The following ARID2 variants were observed in gnomAD, a reference collection of about 807,000 sequenced individuals.
The protein encoded by ARID2 is AT-rich interaction domain 2, also known as AT-rich interactive domain-containing protein 2.
In ARID2, 32 loss-of-function variants were observed where a neutral mutation model predicts 184.6. That is an observed-to-expected ratio of 0.17 (90% CI 0.13 to 0.23). The LOEUF is 0.23. ARID2 is among the 10% of genes least tolerant of loss of function. The pLI is 1.00. For missense variants in ARID2, 1,696 were observed against 2,197.6 expected, an observed-to-expected ratio of 0.77 and a Z score of 4.56; for synonymous variants, 836 against 772.6, an observed-to-expected ratio of 1.08 and a Z score of -1.36.
At chr12:45,797,448 G>A (rs1942411603) in intron 3 of ARID2, among the ~76,000 whole-genome samples, 1 of 152,070 alleles carries the variant, frequency 6.6e-6, no homozygotes, top group East Asian at 1.9e-4. Flanking sequence ...TGGCTAGGCT[G>A]GTCTTGAACT....
chr12:45,793,279 A>G (rs1369123014), intron 3 of ARID2, among the ~76,000 whole-genome samples: 3 of 152,076 alleles, frequency 2.0e-5, no homozygotes, highest in African/African-American at 7.2e-5. Context: ...AAGCCTGGAC[A>G]ACAAGAGTGA....
intron 3 of ARID2, among the ~76,000 whole-genome samples, chr12:45,781,635 T>G (rs1942091841): frequency 6.6e-6 from 1 of 151,924 alleles, no homozygotes; most frequent in Non-Finnish European, 1.5e-5. Flanking sequence ...ACCATAACTC[T>G]GCTTTTCAGG....
intron 6 of ARID2, among the ~76,000 whole-genome samples, chr12:45,835,970 T>C (rs1460639733): frequency 6.6e-6 from 1 of 152,038 alleles, no homozygotes; most frequent in African/African-American, 2.4e-5. Context: ...AGAGATGTCA[T>C]TTTTCCCCCA....
chr12:45,755,857 T>A (rs1456635283), intron 3 of ARID2: 1 of 168,738 alleles, frequency 5.9e-6, no homozygotes, highest in Non-Finnish European at 1.5e-5. Context: ...AGAAACAGGC[T>A]GAACAGAAGA....
At chr12:45,872,482 G>A (rs889989712) in intron 16 of ARID2, among the ~76,000 whole-genome samples, 1 of 152,124 alleles carries the variant, frequency 6.6e-6, no homozygotes. Flanking sequence ...AAGAATAAAG[G>A]TTTAATTGAC....
At chr12:45,837,753 T>C in intron 10 of ARID2, 46 bp downstream of exon 10, 1 of 1,564,430 alleles carries the variant, frequency 6.4e-7, no homozygotes, top group Non-Finnish European at 8.8e-7. Flanking sequence ...TGAGTAAAAG[T>C]GTTTAATATG....
intron 3 of ARID2, among the ~76,000 whole-genome samples, chr12:45,754,600 A>G (rs1286498258): frequency 3.3e-5 from 5 of 152,206 alleles, no homozygotes; most frequent in African/African-American, 1.2e-4. Context: ...ATTGAACACA[A>G]ATGTCACCTT....
At chr12:45,791,325 TTA>T (rs1942286564) in intron 3 of ARID2, among the ~76,000 whole-genome samples, 1 of 152,224 alleles carries the variant, frequency 6.6e-6, no homozygotes, top group Non-Finnish European at 1.5e-5. Context: ...AATTCATCTA[TTA>T]TATGATTTGT....
chr12:45,839,223 A>G lies in ARID2; in HGVS notation c.1331-106A>G, dbSNP rs976099930. 15 of 1,070,238 alleles carry G rather than the reference A, an allele frequency of 1.4e-5. No homozygotes were observed. In the African/African-American group the frequency reaches 2.3e-4, roughly 16 times the overall value. The allele number at this position is 1,070,238 out of a possible 1,614,324, so 66.3% of individuals were successfully genotyped here. A position where few individuals can be genotyped will look rare whatever the true frequency, so the allele number is the denominator to read the frequency against. The stretch of plus-strand genomic sequence containing the variant: ...TCTGATGTACTGTGATTCATGGACT[A>G]GCATTTATTCACATTGATAAGTATT... On this transcript the variant is annotated intron_variant, in intron 10 of 20. Transcript: ENST00000334344.
intron 11 of ARID2, among the ~76,000 whole-genome samples, chr12:45,845,683 G>C (rs1943427655): frequency 6.6e-6 from 1 of 152,108 alleles, no homozygotes; most frequent in Non-Finnish European, 1.5e-5. Context: ...TTCATCAAAG[G>C]TTATGATTGC....
At chr12:45,830,343 T>A (rs1022951189) in intron 6 of ARID2, among the ~76,000 whole-genome samples, 1 of 152,156 alleles carries the variant, frequency 6.6e-6, no homozygotes, top group African/African-American at 2.4e-5. Context: ...CTGTATTAAT[T>A]TCTTCATTGA....
chr12:45,849,756 C>T lies in ARID2; in HGVS notation c.1892C>T (p.Ser631Phe), dbSNP rs2138157593. 6.2e-7 allele frequency: 1 copy of T among 1,611,974 alleles called. No individual in the cohort carries two copies. Among genetic ancestry groups the T allele is most frequent in the South Asian group, 1.1e-5 (1 of 90,386 alleles). The change falls in exon 14 of 21, where the codon TCT becomes TTT. Residue 631 changes from serine to phenylalanine, a missense_variant. This residue lies in a region of ARID2 where 713 missense variants were observed against 824.4 expected (regional missense o/e 0.86). Transcript: ENST00000334344. ...CGTGTTGATTCTGTTCCTGATGTATCTCCTGCTCCTTCACCTGCAGGTGTT... is the reference window on the plus strand; with the variant it reads ...CGTGTTGATTCTGTTCCTGATGTATTTCCTGCTCCTTCACCTGCAGGTGTT... Reference protein sequence around the residue: ...VVRVDSVPDVSPAPSPAGIPH... With the variant: ...VVRVDSVPDVFPAPSPAGIPH...
At chr12:45,764,307 G>A (rs1245918489) in intron 3 of ARID2, among the ~76,000 whole-genome samples, 2 of 152,114 alleles carry the variant, frequency 1.3e-5, no homozygotes, top group Non-Finnish European at 2.9e-5. Flanking sequence ...CTAACTCTAT[G>A]TTGTTGGAGT....
At chr12:45,730,330 G>C (rs1394959251) in intron 2 of ARID2, among the ~76,000 whole-genome samples, 193 bp downstream of exon 2, 3 of 147,108 alleles carry the variant, frequency 2.0e-5, no homozygotes, top group Admixed American at 1.3e-4. Flanking sequence ...CGTGCGCGCG[G>C]CGGGCGCGGG....
At chr12:45,778,801 A>G (rs1001616595) in intron 3 of ARID2, among the ~76,000 whole-genome samples, 6 of 152,028 alleles carry the variant, frequency 3.9e-5, no homozygotes, top group African/African-American at 9.7e-5. Context: ...TTTTCATCCT[A>G]AAGCTGATAC....
chr12:45,739,749 A>G (rs901771171), intron 3 of ARID2, among the ~76,000 whole-genome samples: 2 of 152,126 alleles, frequency 1.3e-5, no homozygotes, highest in African/African-American at 2.4e-5. Context: ...TCTCTATGCT[A>G]GCCCAGCGAT....
chr12:45,831,573 T>C (rs1037026020), intron 6 of ARID2, among the ~76,000 whole-genome samples: 1 of 152,232 alleles, frequency 6.6e-6, no homozygotes, highest in Non-Finnish European at 1.5e-5. Context: ...TATAAATTAT[T>C]GTAGTCACTC....
chr12:45,746,853 G>A (rs531728660), intron 3 of ARID2, among the ~76,000 whole-genome samples: 56 of 152,220 alleles, frequency 3.7e-4, no homozygotes, highest in Non-Finnish European at 5.0e-4. Context: ...TGCAAGCTCC[G>A]CCTTCCGGGT....
intron 6 of ARID2, among the ~76,000 whole-genome samples, chr12:45,826,139 C>G (rs971228150): frequency 2.0e-5 from 3 of 151,874 alleles, no homozygotes; most frequent in African/African-American, 7.2e-5. Context: ...ATTTGTTTTT[C>G]TATCATAAAC....
Sources: gnomAD v4.1 joint callset for allele counts (sites outside exome capture counted in the v4.1 genomes callset) on GRCh38, gnomAD v4.1.1 for gene constraint, gnomAD v4.1.1 regional missense constraint, MANE v1.5 for transcripts, NCBI Gene and HGNC (gene_info 2026-07-23, HGNC 2026-07-21) for gene names.